FLNB: variants seen among roughly 807,000 people sequenced by gnomAD.
FLNB encodes the protein filamin B.
FLNB carries 111 observed loss-of-function variants against 250.6 expected under a neutral mutation model. The observed-to-expected ratio is 0.44, with a 90% CI of 0.38 to 0.52. FLNB has a LOEUF of 0.52. FLNB is among the 20% of genes least tolerant of loss of function. The probability of loss-of-function intolerance (pLI) is 0.00; values close to 1 mark genes in which losing one functional copy is unlikely to be tolerated. For missense variants in FLNB, 2,869 were observed against 3,447.8 expected, an observed-to-expected ratio of 0.83 and a Z score of 4.20; for synonymous variants, 1,302 against 1,372.1, an observed-to-expected ratio of 0.95 and a Z score of 1.13.
rs143785141 is a variant in FLNB, at chr3:58,134,139, G to A, written c.4515-477G>A. Among the ~76,000 whole-genome samples, 1,166 of 152,308 alleles carry A rather than the reference G, an allele frequency of 7.7e-3. 12 individuals are homozygous for A. The highest frequency in any genetic ancestry group is 0.012 in the Non-Finnish European group (835 of 68,030). Reference sequence around the variant, plus strand: ...TGCACGGCATGTTAGGAATTGGGCCGCACGGTGGTGGGTGAGCCATCATTA... The same window carrying A: ...TGCACGGCATGTTAGGAATTGGGCCACACGGTGGTGGGTGAGCCATCATTA... On this transcript the variant is annotated intron_variant, in intron 26 of 45. Coordinates refer to ENST00000295956, the MANE Select transcript of FLNB (RefSeq NM_001457.4).
intron 1 of FLNB, among the ~76,000 whole-genome samples, chr3:58,029,515 T>A (rs1047125023): frequency 3.8e-4 from 57 of 151,776 alleles, no homozygotes; most frequent in Admixed American, 3.9e-4. Flanking sequence ...TCTTTTTTTT[T>A]TTTTTTGTCT....
At chr3:58,109,801 G>T in intron 15 of FLNB, 102 bp downstream of exon 15, 2 of 1,521,024 alleles carry the variant, frequency 1.3e-6, no homozygotes, top group Non-Finnish European at 9.1e-7. Flanking sequence ...TAGTCCATCT[G>T]AATAGGTAAT....
At chr3:58,130,646 C>A in intron 24 of FLNB, 95 bp from the exon 25 acceptor site, 2 of 1,336,648 alleles carry the variant, frequency 1.5e-6, no homozygotes, top group Non-Finnish European at 2.1e-6. Context: ...CCTGCATGGC[C>A]GAGGTCCCGG....
At chr3:58,100,589 C>CTTTTTTTTTTTTT (rs147921421) in intron 8 of FLNB, among the ~76,000 whole-genome samples, 66 of 124,954 alleles carry the variant, frequency 5.3e-4, no homozygotes, top group East Asian at 3.3e-3. Flanking sequence ...TTTTCTTTTT[C>CTTTTTTTTTTTTT]TTTTTTTTTT....
chr3:58,150,320 AAC>A, intron 38 of FLNB, 93 bp downstream of exon 38: 1 of 1,428,140 alleles, frequency 7.0e-7, no homozygotes, highest in Non-Finnish European at 9.9e-7. Context: ...CATGGCCCAG[AAC>A]ACAGTATCCA....
chr3:58,142,763 G>A lies in FLNB; in HGVS notation c.5284+11G>A, dbSNP rs753708624. Reference sequence around the variant, plus strand: ...AAGGAGAAATCACTGGTAAGCACTTGCCATAAAGGCCGTCTCATTCTCACT... The same window carrying A: ...AAGGAGAAATCACTGGTAAGCACTTACCATAAAGGCCGTCTCATTCTCACT... On this transcript the variant is annotated intron_variant, in intron 31 of 45. Transcript: ENST00000295956. The surrounding 1 kb of genome is among the most constrained non-coding windows in gnomAD (Gnocchi z 4.3). 6.2e-7 allele frequency: 1 copy of A among 1,606,458 alleles called. No individual in the cohort carries two copies. The highest frequency in any genetic ancestry group is 8.5e-7 in the Non-Finnish European group (1 of 1,173,110).
rs187442177 is a variant in FLNB, at chr3:58,025,649, C to G, written c.292+16793C>G. Among the ~76,000 whole-genome samples, 326 of 152,278 alleles carry G rather than the reference C, an allele frequency of 2.1e-3. 1 individual carries two copies. Among genetic ancestry groups the G allele is most frequent in the African/African-American group, 7.6e-3 (317 of 41,570 alleles). ...TGAATGTGATCCTTAAATGCTCTGTCTTACAGGGGCCAGACATTGTGGCTC... is the reference window on the plus strand; with the variant it reads ...TGAATGTGATCCTTAAATGCTCTGTGTTACAGGGGCCAGACATTGTGGCTC... On this transcript the variant is annotated intron_variant, in intron 1 of 45. Coordinates refer to ENST00000295956, the MANE Select transcript of FLNB (RefSeq NM_001457.4).
In FLNB at chr3:58,141,959, T is replaced by G. The variant is rs779022448; in HGVS notation, c.5181+30T>G. 5 of 1,589,846 alleles carry G rather than the reference T, an allele frequency of 3.1e-6. 1 individual carries two copies. The South Asian group carries it at 5.5e-5, about 18-fold the overall frequency. On this transcript the variant is annotated intron_variant, in intron 30 of 45. Coordinates refer to ENST00000295956, the MANE Select transcript of FLNB (RefSeq NM_001457.4). ...AATTTTGGTTTTTTCCTTTTTGTGT[T>G]TCTGTGTTTACTCAGCCTTCATTTC...
At chr3:58,061,582 C>T (rs1405558343) in intron 1 of FLNB, among the ~76,000 whole-genome samples, 2 of 151,500 alleles carry the variant, frequency 1.3e-5, no homozygotes, top group Non-Finnish European at 2.9e-5. Flanking sequence ...CGAAAATTAG[C>T]CAGGCATGGT....
intron 1 of FLNB, among the ~76,000 whole-genome samples, chr3:58,010,459 C>G (rs975469573): frequency 2.0e-5 from 3 of 152,190 alleles, no homozygotes; most frequent in African/African-American, 7.2e-5. Context: ...AGCCCTCCCC[C>G]TCCCCAAGGG....
rs1262226206 is a variant in FLNB at position 58,111,899 on chromosome 3, G to A, written c.2575+18G>A. The A allele has an allele frequency of 2.5e-6, 4 of 1,601,012 alleles. No homozygotes were observed. The highest frequency in any genetic ancestry group is 1.7e-5 in the Admixed American group (1 of 59,984). ...CAAAGCAGGTAAGATGGCACGTCTA[G>A]GTTGTCCTGGGCCCCTCTGCCAGCC... On this transcript the variant is annotated intron_variant, in intron 17 of 45. Coordinates refer to ENST00000295956, the MANE Select transcript of FLNB (RefSeq NM_001457.4).
chr3:58,075,180 T>G (rs1008185408), intron 1 of FLNB, among the ~76,000 whole-genome samples: 6 of 152,052 alleles, frequency 3.9e-5, no homozygotes, highest in Non-Finnish European at 8.8e-5. Flanking sequence ...TAATTTGGCA[T>G]GTGTTCAACC....
Position 58,132,837 on chromosome 3 carries a change from A to G in FLNB, c.4420A>G (p.Asn1474Asp). ...GLVEPVNVVDNGDGTHTVTYT... is the reference protein window; with the variant it reads ...GLVEPVNVVDDGDGTHTVTYT... ...GGTGGAGCCAGTGAACGTGGTGGACAATGGAGATGGCACACACACAGTAAC... is the reference window on the plus strand; with the variant it reads ...GGTGGAGCCAGTGAACGTGGTGGACGATGGAGATGGCACACACACAGTAAC... The change falls in exon 26 of 46, where the codon AAT becomes GAT. Residue 1474 changes from asparagine to aspartate, a missense_variant. By Grantham distance (23) the Asn-to-Asp change is conservative (BLOSUM62 1). Coordinates refer to ENST00000295956, the MANE Select transcript of FLNB (RefSeq NM_001457.4). 6.2e-7 allele frequency: 1 copy of G among 1,613,990 alleles called. No homozygotes were observed. The highest frequency in any genetic ancestry group is 8.5e-7 in the Non-Finnish European group (1 of 1,179,964).
At position 58,039,115 on chromosome 3, in the gene FLNB, C is replaced by T. The variant is rs554828219; in HGVS notation, c.292+30259C>T. Among the ~76,000 whole-genome samples the T allele has an allele frequency of 1.3e-4, 20 of 149,218 alleles. 1 individual carries two copies. In the South Asian group the frequency reaches 3.0e-3, roughly 22 times the overall value. On this transcript the variant is annotated intron_variant, in intron 1 of 45. Coordinates refer to ENST00000295956, the MANE Select transcript of FLNB (RefSeq NM_001457.4). ...TGATCATAGCTCACTGCAGCCTTGA[C>T]CACGTGGGCTCAAGGAATGAACCAT... is the stretch of plus-strand genomic sequence containing the variant.
At chr3:58,078,182 A>G (rs2106950015) in intron 2 of FLNB, 1 of 983,602 alleles carries the variant, frequency 1.0e-6, no homozygotes, top group Non-Finnish European at 1.3e-6. Flanking sequence ...TTGATTTCCT[A>G]ATATCCTCTT....
At chr3:58,046,845 T>A (rs1286868756) in intron 1 of FLNB, among the ~76,000 whole-genome samples, 1 of 152,232 alleles carries the variant, frequency 6.6e-6, no homozygotes, top group Non-Finnish European at 1.5e-5. Context: ...TCTGTCTCTA[T>A]GGATCTGTCC....
chr3:58,129,095 TA>T, intron 24 of FLNB, among the ~76,000 whole-genome samples: 2 of 152,282 alleles, frequency 1.3e-5, no homozygotes, highest in Admixed American at 1.3e-4. Context: ...TCTGGGTGCT[TA>T]AATATTAGCC....
In FLNB at chr3:58,105,371, C is replaced by T. The variant is rs7638552; in HGVS notation, c.1747+155C>T. 0.35 allele frequency among the ~76,000 whole-genome samples: 53,871 copies of T among 152,078 alleles called. 11,242 individuals are homozygous for T. Among genetic ancestry groups the T allele is most frequent in the East Asian group, 0.91 (4,735 of 5,176 alleles). On this transcript the variant is annotated intron_variant, in intron 11 of 45. Transcript: ENST00000295956. ...TAAGCCATCTCTGCGTGCTGCTGTA[C>T]ATTTGCAGTTGCCTCTGATACCAGC...
chr3:58,020,050 T>TGG (rs1223186718), intron 1 of FLNB, among the ~76,000 whole-genome samples: 11 of 29,708 alleles, frequency 3.7e-4, no homozygotes, highest in South Asian at 9.2e-4. Context: ...ACCACAGGGG[T>TGG]GTGTGTGTGT....
Sources: allele counts gnomAD v4.1 joint callset (sites outside exome capture counted in the v4.1 genomes callset), GRCh38; gene constraint gnomAD v4.1.1; non-coding constraint Gnocchi (gnomAD v3.1); transcripts MANE v1.5; gene names NCBI Gene and HGNC (gene_info 2026-07-23, HGNC 2026-07-21).